CEP128: variants seen among roughly 807,000 people sequenced by gnomAD.
CEP128 encodes centrosomal protein 128.
Under a neutral mutation model 156.7 loss-of-function variants are expected in CEP128, and 132 were observed. That is an observed-to-expected ratio of 0.84 (90% confidence interval 0.73 to 0.97). The LOEUF (loss-of-function observed/expected upper bound fraction) is 0.97. Ranked by LOEUF, CEP128 falls within the 50% of genes least tolerant of loss-of-function variation. CEP128 has a pLI of 0.00. For missense variants in CEP128, 1,252 were observed against 1,281.9 expected (o/e 0.98, Z 0.36); for synonymous variants, 469 against 448.9 (o/e 1.04, Z -0.57).
intron 9 of CEP128, among the ~76,000 whole-genome samples, chr14:80,860,685 A>C (rs1887471960): frequency 6.6e-6 from 1 of 152,076 alleles, no homozygotes; most frequent in Non-Finnish European, 1.5e-5. Flanking sequence ...TCTTCAAAGT[A>C]ATTACCAACT....
chr14:80,926,096 T>TG (rs1178660754), intron 2 of CEP128, among the ~76,000 whole-genome samples: 1 of 152,166 alleles, frequency 6.6e-6, no homozygotes, highest in Non-Finnish European at 1.5e-5. Context: ...AACTGAGACC[T>TG]GTGATATAAT....
intron 19 of CEP128, among the ~76,000 whole-genome samples, chr14:80,586,460 G>A (rs1212878230): frequency 6.6e-6 from 1 of 152,188 alleles, no homozygotes; most frequent in Non-Finnish European, 1.5e-5. Flanking sequence ...CTTTTGAATT[G>A]GACCAGGGTC....
At chr14:80,619,818 G>C (rs1017676435) in intron 19 of CEP128, among the ~76,000 whole-genome samples, 1 of 152,074 alleles carries the variant, frequency 6.6e-6, no homozygotes, top group Non-Finnish European at 1.5e-5. Flanking sequence ...TTTAGGTGAG[G>C]CATAGGTGGA....
intron 21 of CEP128, among the ~76,000 whole-genome samples, chr14:80,540,315 T>C (rs973827737): frequency 6.6e-6 from 1 of 151,964 alleles, no homozygotes; most frequent in African/African-American, 2.4e-5. Flanking sequence ...TTTCTCTCTT[T>C]GTACTGTCTC....
At chr14:80,666,276 G>C (rs933600669) in intron 19 of CEP128, among the ~76,000 whole-genome samples, 2 of 152,218 alleles carry the variant, frequency 1.3e-5, no homozygotes, top group African/African-American at 4.8e-5. Context: ...CAAAGATAGG[G>C]AAGTGCCTGA....
Position 80,637,087 on chromosome 14 carries a change from TA to T in CEP128, c.2807-56665del, listed in dbSNP as rs1042460919. Among the ~76,000 whole-genome samples, 594 of 123,144 alleles carry T rather than the reference TA, an allele frequency of 4.8e-3. 1 individual carries two copies. Among genetic ancestry groups the T allele is most frequent in the African/African-American group, 9.7e-3 (257 of 26,574 alleles). The allele number at this position is 123,144 out of a possible 152,430, so 80.8% of individuals were successfully genotyped here. A position where few individuals can be genotyped will look rare whatever the true frequency, so the allele number is the denominator to read the frequency against. ...GACATCAAGAGCGAAACTCCGTCTT[TA>T]AAAAAAAAAAAAAGAAAAGAAAATA... On this transcript the variant is annotated intron_variant, in intron 19 of 24. Transcript: ENST00000555265.
At chr14:80,867,302 G>A (rs1258769798) in intron 8 of CEP128, among the ~76,000 whole-genome samples, 1 of 152,210 alleles carries the variant, frequency 6.6e-6, no homozygotes. Context: ...CAAGAGGGAT[G>A]AAGTGAGACT....
intron 2 of CEP128, chr14:80,957,680 A>G (rs1886774105): frequency 6.6e-6 from 1 of 152,172 alleles, no homozygotes; most frequent in Non-Finnish European, 1.5e-5. Context: ...AAAAGTTGAG[A>G]AAGAAAGGGT....
intron 13 of CEP128, among the ~76,000 whole-genome samples, chr14:80,809,238 T>C (rs1884363948): frequency 6.6e-6 from 1 of 152,006 alleles, no homozygotes; most frequent in Non-Finnish European, 1.5e-5. Context: ...CAAAACACAC[T>C]TGAAGTCGTC....
chr14:80,532,288 G>C (rs984751654), intron 21 of CEP128, among the ~76,000 whole-genome samples: 2 of 151,852 alleles, frequency 1.3e-5, no homozygotes, highest in Admixed American at 1.3e-4. Flanking sequence ...CAACCTCCTG[G>C]GCTCAAGGGA....
chr14:80,608,265 A>G (rs1892863273), intron 19 of CEP128, among the ~76,000 whole-genome samples: 1 of 152,184 alleles, frequency 6.6e-6, no homozygotes, highest in Non-Finnish European at 1.5e-5. Flanking sequence ...CTCCACTAGG[A>G]TGTAAGCACC....
At chr14:80,933,160 G>A (rs926962867) in intron 2 of CEP128, among the ~76,000 whole-genome samples, 7 of 152,082 alleles carry the variant, frequency 4.6e-5, no homozygotes, top group African/African-American at 1.7e-4. Context: ...CCAGCATCCT[G>A]GAGAGGTGTT....
chr14:80,758,821 A>G (rs896973147), intron 17 of CEP128, among the ~76,000 whole-genome samples: 17 of 152,204 alleles, frequency 1.1e-4, no homozygotes, highest in African/African-American at 4.1e-4. Context: ...TCTATATCTT[A>G]CCTCACTTTA....
chr14:80,522,302 C>G (rs947281857), intron 23 of CEP128, among the ~76,000 whole-genome samples: 1 of 152,140 alleles, frequency 6.6e-6, no homozygotes, highest in South Asian at 2.1e-4. Flanking sequence ...AAGGTATAAA[C>G]AAATCACAAA....
intron 8 of CEP128, among the ~76,000 whole-genome samples, chr14:80,863,357 T>G (rs1185369128): frequency 1.3e-5 from 2 of 152,216 alleles, no homozygotes; most frequent in African/African-American, 2.4e-5. Context: ...GGGCTTTACA[T>G]TAGCTTATCA....
chr14:80,789,387 T>G (rs952056166), intron 14 of CEP128, among the ~76,000 whole-genome samples: 3 of 152,062 alleles, frequency 2.0e-5, no homozygotes, highest in African/African-American at 7.2e-5. Flanking sequence ...GAAGATAAAA[T>G]TTAAACACAG....
intron 8 of CEP128, among the ~76,000 whole-genome samples, chr14:80,876,408 T>C (rs1450557918): frequency 1.3e-5 from 2 of 151,882 alleles, no homozygotes; most frequent in African/African-American, 2.4e-5. Context: ...CCATCCTGGC[T>C]AACATGATGA....
At chr14:80,556,152 T>C (rs1194257847) in intron 21 of CEP128, among the ~76,000 whole-genome samples, 1 of 152,132 alleles carries the variant, frequency 6.6e-6, no homozygotes, top group Non-Finnish European at 1.5e-5. Flanking sequence ...AATCAACCCA[T>C]TCTATTTTGG....
intron 2 of CEP128, among the ~76,000 whole-genome samples, chr14:80,932,747 T>C (rs1219073541): frequency 6.6e-6 from 1 of 152,162 alleles, no homozygotes; most frequent in East Asian, 1.9e-4. Flanking sequence ...AGAAATAAAG[T>C]ACACAATAAA....
Sources: gnomAD v4.1 joint callset for allele counts (sites outside exome capture counted in the v4.1 genomes callset) on GRCh38, gnomAD v4.1.1 for gene constraint, MANE v1.5 for transcripts, NCBI Gene and HGNC (gene_info 2026-07-23, HGNC 2026-07-21) for gene names.